STXBP6: variants seen among roughly 807,000 people sequenced by gnomAD.
STXBP6 encodes the protein syntaxin binding protein 6, also known as syntaxin-binding protein 6.
Under a neutral mutation model 26.9 loss-of-function variants are expected in STXBP6, and 21 were observed. The observed-to-expected ratio is 0.78, with a 90% CI of 0.55 to 1.12. The LOEUF (loss-of-function observed/expected upper bound fraction) is 1.12, where lower values mean the gene tolerates loss of function less well. Among genes scored for constraint, STXBP6 ranks in the 50% most tolerant of loss-of-function variants. The probability of loss-of-function intolerance (pLI) is 0.00; values close to 1 mark genes in which losing one functional copy is unlikely to be tolerated. For missense variants in STXBP6, 232 were observed against 257.9 expected (o/e 0.90, Z 0.69); for synonymous variants, 97 against 92.6 (o/e 1.05, Z -0.27).
chr14:25,022,192 C>T (rs1237439342), intron 1 of STXBP6, among the ~76,000 whole-genome samples: 2 of 152,152 alleles, frequency 1.3e-5, no homozygotes, highest in South Asian at 4.1e-4. Flanking sequence ...TACATAGTGG[C>T]CCAGGGTTAA....
chr14:25,006,178 G>A (rs548641738), intron 1 of STXBP6, among the ~76,000 whole-genome samples: 1 of 152,324 alleles, frequency 6.6e-6, no homozygotes, highest in South Asian at 2.1e-4. Flanking sequence ...CTGAACTAGG[G>A]ATTCAAGCTG....
chr14:24,845,198 G>A (rs1015288169), intron 4 of STXBP6, among the ~76,000 whole-genome samples: 1 of 152,014 alleles, frequency 6.6e-6, no homozygotes, highest in African/African-American at 2.4e-5. Flanking sequence ...ACTTTTAATA[G>A]AGATGGGGTT....
intron 2 of STXBP6, among the ~76,000 whole-genome samples, chr14:24,927,207 T>C (rs2072207908): frequency 6.6e-6 from 1 of 152,150 alleles, no homozygotes; most frequent in African/African-American, 2.4e-5. Flanking sequence ...GACTGATGCG[T>C]TGTGAGAGAT....
intron 1 of STXBP6, among the ~76,000 whole-genome samples, chr14:25,026,648 T>C (rs1367137129): frequency 6.6e-6 from 1 of 152,220 alleles, no homozygotes; most frequent in Non-Finnish European, 1.5e-5. Flanking sequence ...GGTGGCTCCA[T>C]ACCACCTTAT....
At chr14:24,956,214 T>C (rs1471305330) in intron 2 of STXBP6, among the ~76,000 whole-genome samples, 1 of 151,978 alleles carries the variant, frequency 6.6e-6, no homozygotes, top group Admixed American at 6.6e-5. Flanking sequence ...TTGAATAGAC[T>C]GGAGTTACAC....
At chr14:24,854,481 A>G (rs2069258090) in intron 4 of STXBP6, among the ~76,000 whole-genome samples, 1 of 152,138 alleles carries the variant, frequency 6.6e-6, no homozygotes, top group South Asian at 2.1e-4. Flanking sequence ...CTAGCCATGC[A>G]AGCTACTGAC....
intron 3 of STXBP6, 142 bp downstream of exon 3, chr14:24,856,885 T>G (rs1431018600): frequency 1.0e-6 from 1 of 1,004,070 alleles, no homozygotes; most frequent in South Asian, 2.0e-5. Context: ...GGACTCTGTA[T>G]CCGAAAGTTT....
At chr14:24,893,067 A>C (rs2139554672) in intron 2 of STXBP6, among the ~76,000 whole-genome samples, 1 of 152,316 alleles carries the variant, frequency 6.6e-6, no homozygotes, top group East Asian at 1.9e-4. Context: ...TGGTGCACAC[A>C]ACCTGACCAC....
At chr14:24,904,510 C>T (rs973926058) in intron 2 of STXBP6, among the ~76,000 whole-genome samples, 1 of 152,242 alleles carries the variant, frequency 6.6e-6, no homozygotes, top group Admixed American at 6.5e-5. Context: ...AAGTGTGTCC[C>T]CCCAAAAATT....
At chr14:24,827,708 G>T (rs993994003) in intron 4 of STXBP6, among the ~76,000 whole-genome samples, 15 of 152,112 alleles carry the variant, frequency 9.9e-5, no homozygotes, top group African/African-American at 3.1e-4. Context: ...CCTGCCACTA[G>T]TCTCTAAGTC....
chr14:24,882,375 T>G (rs1216765115), intron 2 of STXBP6, among the ~76,000 whole-genome samples: 5 of 20,498 alleles, frequency 2.4e-4, no homozygotes, highest in Non-Finnish European at 3.7e-4. Flanking sequence ...CGAGACTCCG[T>G]CTCAAAAAAA....
chr14:24,818,139 T>C (rs1163504842), intron 5 of STXBP6: 1 of 456,734 alleles, frequency 2.2e-6, no homozygotes, highest in Admixed American at 2.3e-5. Context: ...GGCCAGATCA[T>C]AAGCCTGACA....
At chr14:24,814,588 C>A (rs2067916639) in intron 5 of STXBP6, among the ~76,000 whole-genome samples, 1 of 152,206 alleles carries the variant, frequency 6.6e-6, no homozygotes, top group South Asian at 2.1e-4. Context: ...CTAAGGGGAG[C>A]CCCCGGGCCA....
chr14:24,955,445 G>A (rs531277616), intron 2 of STXBP6, among the ~76,000 whole-genome samples: 3 of 152,288 alleles, frequency 2.0e-5, no homozygotes, highest in East Asian at 1.9e-4. Flanking sequence ...GTGTATCACC[G>A]TTGTTTTGAT....
intron 1 of STXBP6, among the ~76,000 whole-genome samples, chr14:25,007,842 T>G (rs2140362338): frequency 6.6e-6 from 1 of 152,340 alleles, no homozygotes; most frequent in Admixed American, 6.5e-5. Flanking sequence ...AAGCCACTTT[T>G]TGTACTAAAC....
intron 4 of STXBP6, among the ~76,000 whole-genome samples, chr14:24,820,199 T>A (rs147361503): frequency 6.6e-6 from 1 of 152,346 alleles, no homozygotes; most frequent in East Asian, 1.9e-4. Context: ...TTTGAATAAG[T>A]TTATTACATC....
intron 4 of STXBP6, among the ~76,000 whole-genome samples, chr14:24,824,339 A>G (rs2138814354): frequency 6.6e-6 from 1 of 152,300 alleles, no homozygotes; most frequent in East Asian, 1.9e-4. Flanking sequence ...TTGCATGATA[A>G]TCATGATGCT....
At chr14:24,887,616 G>T (rs2070638163) in intron 2 of STXBP6, among the ~76,000 whole-genome samples, 1 of 152,098 alleles carries the variant, frequency 6.6e-6, no homozygotes, top group African/African-American at 2.4e-5. Context: ...TGATGTGAAA[G>T]GTTTCACTGA....
intron 2 of STXBP6, among the ~76,000 whole-genome samples, chr14:24,872,531 C>T (rs781719090): frequency 3.9e-5 from 6 of 152,172 alleles, no homozygotes; most frequent in Non-Finnish European, 7.4e-5. Flanking sequence ...CAATTCTAAG[C>T]AGCCTTAGAG....
Sources: gnomAD v4.1 joint callset for allele counts (sites outside exome capture counted in the v4.1 genomes callset) on GRCh38, gnomAD v4.1.1 for gene constraint, MANE v1.5 for transcripts, NCBI Gene and HGNC (gene_info 2026-07-23, HGNC 2026-07-21) for gene names.